The following CD200 variants were observed in gnomAD, a reference collection of about 807,000 sequenced individuals.
CD200 encodes the protein CD200 molecule, also known as OX-2 membrane glycoprotein.
Under a neutral mutation model 30.9 loss-of-function variants are expected in CD200, and 15 were observed. The observed-to-expected ratio is 0.49, with a 90% CI of 0.32 to 0.75. The LOEUF is 0.75. CD200 is among the 30% of genes least tolerant of loss of function. The pLI, the probability that CD200 is intolerant of heterozygous loss-of-function variation, is 0.03. For synonymous variants in CD200, 134 were observed against 126.2 expected (o/e 1.06, Z -0.41); for missense variants, 262 against 324.2 (o/e 0.81, Z 1.47).
rs1387287202 is a variant in CD200 at position 112,342,425 on chromosome 3, CTT to C, written c.94+1444_94+1445del. ...TCTTTCTTTCTTTCTTTCTTTCTTT[CTT>C]TCTTCTCTCTCTTTCTATGAAATTT... is the stretch of plus-strand genomic sequence containing the variant. On this transcript the variant is annotated intron_variant, in intron 2 of 5. Coordinates refer to ENST00000315711, the MANE Select transcript of CD200 (RefSeq NM_005944.7). Among the ~76,000 whole-genome samples, 61 of 82,928 alleles carry C rather than the reference CTT, an allele frequency of 7.4e-4. 13 individuals carry two copies. The highest frequency in any genetic ancestry group is 2.6e-3 in the Admixed American group (18 of 6,906). The allele number at this position is 82,928 out of a possible 152,430, so 54.4% of individuals were successfully genotyped here.
intron 5 of CD200, among the ~76,000 whole-genome samples, chr3:112,358,230 A>G (rs1576627854): frequency 2.0e-5 from 3 of 152,340 alleles, no homozygotes; most frequent in Admixed American, 2.0e-4. Context: ...AGGATGTGCT[A>G]ACTCCCACAC....
chr3:112,361,625 G>A lies in CD200; in HGVS notation c.*75G>A, dbSNP rs571463366. 2.5e-5 allele frequency: 34 copies of A among 1,347,382 alleles called. No homozygotes were observed. The African/African-American group carries it at 4.3e-4, about 17-fold the overall frequency. 83.5% of individuals were successfully genotyped at this position (1,347,382 alleles called of 1,614,324 possible). On this transcript the variant is annotated 3_prime_UTR_variant, in exon 6 of 6. Transcript: ENST00000315711. ...ACACAAGAGAAAAGCAGGAGGAAAAGGGGCCATTCTCCAAAGGACCTGAAA... is the reference window on the plus strand; with the variant it reads ...ACACAAGAGAAAAGCAGGAGGAAAAAGGGCCATTCTCCAAAGGACCTGAAA...
chr3:112,356,798 C>T (rs1165090159), intron 5 of CD200, among the ~76,000 whole-genome samples: 3 of 152,172 alleles, frequency 2.0e-5, no homozygotes, highest in Non-Finnish European at 4.4e-5. Context: ...AATTACTTAG[C>T]GATTTTGATC....
At chr3:112,337,954 A>T (rs1362101882) in intron 1 of CD200, among the ~76,000 whole-genome samples, 1 of 152,230 alleles carries the variant, frequency 6.6e-6, no homozygotes. Context: ...CTATATAAAT[A>T]GTTCTTATGC....
At chr3:112,342,325 C>A (rs1347691493) in intron 2 of CD200, among the ~76,000 whole-genome samples, 1 of 26,058 alleles carries the variant, frequency 3.8e-5, no homozygotes, top group Non-Finnish European at 8.0e-5. Flanking sequence ...TTCTTTCTTT[C>A]TTTCTTTCTT....
intron 1 of CD200, among the ~76,000 whole-genome samples, chr3:112,336,203 G>A (rs2081111963): frequency 6.6e-6 from 1 of 152,074 alleles, no homozygotes; most frequent in Non-Finnish European, 1.5e-5. Flanking sequence ...AAAGAAAAGG[G>A]CATGTATTGA....
chr3:112,362,115 T>C lies in CD200; in HGVS notation c.*565T>C, dbSNP rs1279545347. On this transcript the variant is annotated 3_prime_UTR_variant, in exon 6 of 6. Coordinates refer to ENST00000315711, the MANE Select transcript of CD200 (RefSeq NM_005944.7). ...GTCTATGAGTCTGTTTCCCCATCAT[T>C]TGGTATCTAGTCCAGTTCCTGCTTA... The C allele has an allele frequency of 6.6e-6, 1 of 152,530 alleles. No individual in the cohort carries two copies. Among genetic ancestry groups the C allele is most frequent in the Non-Finnish European group, 1.5e-5 (1 of 68,270 alleles). 9.4% of individuals were successfully genotyped at this position (152,530 alleles called of 1,614,324 possible). A position where few individuals can be genotyped will look rare whatever the true frequency, so the allele number is the denominator to read the frequency against.
chr3:112,343,807 CA>C (rs1473382275), intron 2 of CD200, among the ~76,000 whole-genome samples: 2 of 152,088 alleles, frequency 1.3e-5, no homozygotes, highest in African/African-American at 4.8e-5. Flanking sequence ...TTCCTTTTAT[CA>C]TTTTGAAAAA....
intron 5 of CD200, among the ~76,000 whole-genome samples, chr3:112,361,078 T>C (rs2081731409): frequency 6.6e-6 from 1 of 152,154 alleles, no homozygotes; most frequent in Admixed American, 6.5e-5. Flanking sequence ...CTATATTGCC[T>C]GGGGCTGGAG....
At chr3:112,356,515 C>T (rs1044568437) in intron 5 of CD200, among the ~76,000 whole-genome samples, 1 of 152,100 alleles carries the variant, frequency 6.6e-6, no homozygotes, top group Non-Finnish European at 1.5e-5. Flanking sequence ...TCTACTCTGT[C>T]AGTAATATTC....
chr3:112,350,146 T>A (rs988480156), intron 5 of CD200, among the ~76,000 whole-genome samples: 3 of 152,162 alleles, frequency 2.0e-5, no homozygotes, highest in African/African-American at 7.2e-5. Flanking sequence ...ATCTCTTCTC[T>A]TTTTATAGCA....
Position 112,362,667 on chromosome 3 carries a change from G to T in CD200, c.*1117G>T, listed in dbSNP as rs150488898. ...CTGCTTTGTCTGTGTCTATCCAGTGGCCTAGGAATTAAAGTGTAAGTTGTT... is the reference window on the plus strand; with the variant it reads ...CTGCTTTGTCTGTGTCTATCCAGTGTCCTAGGAATTAAAGTGTAAGTTGTT... On this transcript the variant is annotated 3_prime_UTR_variant, in exon 6 of 6. Transcript: ENST00000315711. The T allele has an allele frequency of 1.3e-3, 196 of 152,496 alleles. No homozygotes were observed. Among genetic ancestry groups the T allele is most frequent in the African/African-American group, 4.4e-3 (183 of 41,474 alleles). The allele number at this position is 152,496 out of a possible 1,614,324, so 9.4% of individuals were successfully genotyped here.
At chr3:112,358,931 G>GAAAGAA (rs140720935) in intron 5 of CD200, among the ~76,000 whole-genome samples, 1 of 139,720 alleles carries the variant, frequency 7.2e-6, no homozygotes, top group Non-Finnish European at 1.5e-5. Flanking sequence ...AAGAAAGAGA[G>GAAAGAA]AGAAAGAAAG....
upstream of CD200, chr3:112,332,864 C>T (rs2081027139): frequency 3.3e-6 from 1 of 301,232 alleles, no homozygotes; most frequent in African/African-American, 2.2e-5. Flanking sequence ...CTGATCTCCA[C>T]AACCTCCCAC....
At chr3:112,342,146 A>G (rs1414991616) in intron 2 of CD200, among the ~76,000 whole-genome samples, 1 of 151,928 alleles carries the variant, frequency 6.6e-6, no homozygotes, top group Non-Finnish European at 1.5e-5. Context: ...TAGTGTCTTT[A>G]TCTTTATTAA....
chr3:112,339,941 C>T (rs1039072995), intron 1 of CD200, among the ~76,000 whole-genome samples: 1 of 152,100 alleles, frequency 6.6e-6, no homozygotes, highest in Non-Finnish European at 1.5e-5. Flanking sequence ...GGAATGCAGA[C>T]GCAATGCTAG....
chr3:112,350,775 T>C (rs918881664), intron 5 of CD200, among the ~76,000 whole-genome samples: 1 of 152,204 alleles, frequency 6.6e-6, no homozygotes, highest in African/African-American at 2.4e-5. Context: ...TCTCACTCAT[T>C]TTTTCCTTTC....
At chr3:112,342,576 C>T (rs777449168) in intron 2 of CD200, among the ~76,000 whole-genome samples, 14 of 151,798 alleles carry the variant, frequency 9.2e-5, no homozygotes, top group South Asian at 2.1e-4. Flanking sequence ...GTGCCCACCA[C>T]CACGCCTGGC....
chr3:112,342,310 C>CCTTCCTTCCTTCCTTCCTTCCT (rs2081259013), intron 2 of CD200, among the ~76,000 whole-genome samples: 2 of 29,940 alleles, frequency 6.7e-5, no homozygotes, highest in Admixed American at 2.7e-4. Context: ...TCCTTCCTTT[C>CCTTCCTTCCTTCCTTCCTTCCT]TTCTTTCTTT....
Sources: gnomAD v4.1 joint callset for allele counts (sites outside exome capture counted in the v4.1 genomes callset) on GRCh38, gnomAD v4.1.1 for gene constraint, MANE v1.5 for transcripts, NCBI Gene and HGNC (gene_info 2026-07-23, HGNC 2026-07-21) for gene names.